TSC22D3: variants seen among roughly 807,000 people sequenced by gnomAD.
TSC22D3 encodes the protein TSC22 domain family protein 3.
TSC22D3 carries 4 observed loss-of-function variants against 11.1 expected under a neutral mutation model. That is an observed-to-expected ratio of 0.36 (90% CI 0.18 to 0.83). The LOEUF is 0.83. Among genes scored for constraint, TSC22D3 ranks in the 40% least tolerant of loss-of-function variants. TSC22D3 has a pLI of 0.48. For synonymous variants in TSC22D3, 77 were observed against 70.3 expected (o/e 1.10, Z -0.48); for missense variants, 118 against 159.4 (o/e 0.74, Z 1.40).
intron 1 of TSC22D3, among the ~76,000 whole-genome samples, chrX:107,733,415 CA>C (rs1254211411): frequency 2.7e-5 from 3 of 110,315 alleles, no homozygotes; most frequent in Non-Finnish European, 5.7e-5. Flanking sequence ...GCTCTCTTCA[CA>C]AAAAAAAATG....
At chrX:107,749,720 C>T (rs1928848918) in intron 1 of TSC22D3, among the ~76,000 whole-genome samples, 1 of 112,322 alleles carries the variant, frequency 8.9e-6, no homozygotes, top group South Asian at 3.7e-4. Context: ...CTTGAGATCA[C>T]TCCAGTGGCA....
At chrX:107,721,109 G>A (rs1824357091) in intron 1 of TSC22D3, among the ~76,000 whole-genome samples, 2 of 111,924 alleles carry the variant, frequency 1.8e-5, no homozygotes, top group Non-Finnish European at 3.8e-5. Flanking sequence ...CAGGCCCTTT[G>A]CTGGCTCTCA....
intron 1 of TSC22D3, among the ~76,000 whole-genome samples, chrX:107,718,577 G>C (rs1419858166): frequency 2.6e-5 from 3 of 113,435 alleles, no homozygotes; most frequent in Non-Finnish European, 5.6e-5. Flanking sequence ...GCCAAATGCA[G>C]TCTGAAGGCC....
intron 1 of TSC22D3, among the ~76,000 whole-genome samples, chrX:107,757,652 T>C (rs1282789135): frequency 1.8e-5 from 2 of 108,498 alleles, no homozygotes; most frequent in Non-Finnish European, 1.9e-5. Context: ...CCCCCTCCCC[T>C]TCCCTCCCTC....
At chrX:107,731,230 T>C (rs1037582801) in intron 1 of TSC22D3, among the ~76,000 whole-genome samples, 2 of 112,124 alleles carry the variant, frequency 1.8e-5, no homozygotes, top group Non-Finnish European at 3.8e-5. Context: ...CAATTGACTG[T>C]GACTCTAGGT....
chrX:107,742,874 C>T (rs1237495980), intron 1 of TSC22D3, among the ~76,000 whole-genome samples: 1 of 112,043 alleles, frequency 8.9e-6, no homozygotes, highest in Non-Finnish European at 1.9e-5. Flanking sequence ...ACATCATCCG[C>T]GAGAGATCCC....
chrX:107,735,346 T>G (rs1329846280), intron 1 of TSC22D3, among the ~76,000 whole-genome samples: 1 of 111,830 alleles, frequency 8.9e-6, no homozygotes, highest in African/African-American at 3.3e-5. Context: ...CTCAGGGCCT[T>G]GGTTTCCACA....
In TSC22D3 at chrX:107,775,484, G is replaced by A. The variant is rs192290417; in HGVS notation, c.-65C>T. 7.4e-6 allele frequency: 7 copies of A among 943,405 alleles called. No homozygotes were observed. The highest frequency in any genetic ancestry group is 6.3e-4 in the Middle Eastern group (2 of 3,152). 77.7% of individuals were successfully genotyped at this position (943,405 alleles called of 1,213,427 possible). A position where few individuals can be genotyped will look rare whatever the true frequency, so the allele number is the denominator to read the frequency against. The stretch of plus-strand genomic sequence containing the variant: ...GGCGGCTGGCAGGTGCGCGCCCACC[G>A]AGCTGGCCTGAGGGGACTCCAGGGT... On this transcript the variant is annotated 5_prime_UTR_variant, in exon 1 of 3. Coordinates refer to ENST00000372383, the MANE Select transcript of TSC22D3 (RefSeq NM_198057.3).
rs559987710 is a variant in TSC22D3 at position 107,725,907 on chromosome X, G to A, written c.321-9957C>T. Among the ~76,000 whole-genome samples the A allele has an allele frequency of 5.4e-5, 6 of 111,299 alleles. No individual in the cohort carries two copies. In the East Asian group the frequency reaches 1.1e-3, roughly 21 times the overall value. On this transcript the variant is annotated intron_variant, in intron 1 of 2. Transcript: ENST00000372383. ...AACAGCACAGTTTGGTCAATGAACC[G>A]GCCCAACCTCCCTTCTACAGGAACC...
chrX:107,721,224 T>C (rs766237616), intron 1 of TSC22D3, among the ~76,000 whole-genome samples: 12 of 112,092 alleles, frequency 1.1e-4, no homozygotes, highest in Admixed American at 4.7e-4. Flanking sequence ...ACAGGGCCAA[T>C]TCCCTTCATT....
intron 1 of TSC22D3, chrX:107,716,781 C>T (rs1927068294): frequency 8.3e-7 from 1 of 1,209,940 alleles, no homozygotes; most frequent in Non-Finnish European, 1.1e-6. Flanking sequence ...ACCGCCACCT[C>T]CATGGGGGTC....
intron 1 of TSC22D3, among the ~76,000 whole-genome samples, chrX:107,754,867 C>G (rs1929102926): frequency 8.9e-6 from 1 of 111,991 alleles, no homozygotes; most frequent in African/African-American, 3.2e-5. Context: ...TGGCGATAAC[C>G]TTGAGCAGTA....
intron 1 of TSC22D3, among the ~76,000 whole-genome samples, chrX:107,730,931 C>T (rs1216562964): frequency 1.8e-5 from 2 of 111,947 alleles, no homozygotes; most frequent in African/African-American, 6.5e-5. Flanking sequence ...CCTTCCTTAG[C>T]AATGCCCGCT....
chrX:107,754,396 C>T (rs895630944), intron 1 of TSC22D3, among the ~76,000 whole-genome samples: 1 of 111,884 alleles, frequency 8.9e-6, no homozygotes, highest in Admixed American at 9.5e-5. Context: ...TCTTTATGCA[C>T]TACTTGGGCT....
intron 1 of TSC22D3, among the ~76,000 whole-genome samples, chrX:107,766,887 C>A (rs1929687012): frequency 1.1e-5 from 1 of 86,996 alleles, no homozygotes; most frequent in Admixed American, 1.1e-4. Flanking sequence ...GCCTCAGTAA[C>A]CTGGCTGTTA....
In TSC22D3 at chrX:107,713,650, C is replaced by T. The variant is rs1476348600; in HGVS notation, c.*869G>A. 8.9e-6 allele frequency: 1 copy of T among 112,046 alleles called. No homozygotes were observed. Among genetic ancestry groups the T allele is most frequent in the Non-Finnish European group, 1.9e-5 (1 of 53,162 alleles). 9.2% of individuals were successfully genotyped at this position (112,046 alleles called of 1,213,427 possible). On this transcript the variant is annotated 3_prime_UTR_variant, in exon 3 of 3. Transcript: ENST00000372383. The stretch of plus-strand genomic sequence containing the variant: ...GTTGCAGCAGCAAGGCATCCGTGGC[C>T]GCATTCAGAGGCTGGCCCCCCTCCT...
intron 1 of TSC22D3, among the ~76,000 whole-genome samples, chrX:107,735,326 T>C (rs1928081594): frequency 8.9e-6 from 1 of 112,006 alleles, no homozygotes; most frequent in Non-Finnish European, 1.9e-5. Context: ...CAAGGCAGGT[T>C]GAATCCCCTC....
chrX:107,725,283 C>T (rs975602046), intron 1 of TSC22D3, among the ~76,000 whole-genome samples: 4 of 112,636 alleles, frequency 3.6e-5, no homozygotes, highest in Middle Eastern at 4.6e-3. Context: ...TGTCAGCAGA[C>T]AATTGGACAC....
In TSC22D3 at chrX:107,739,359, G is replaced by A. The variant is rs181739452; in HGVS notation, c.321-23409C>T. The stretch of plus-strand genomic sequence containing the variant: ...GTTAACTGGCACTTCAATGCTGCAG[G>A]CTCCACACGCACACACGCACACACA... On this transcript the variant is annotated intron_variant, in intron 1 of 2. Transcript: ENST00000372383. Among the ~76,000 whole-genome samples, 5 of 112,811 alleles carry A rather than the reference G, an allele frequency of 4.4e-5. No individual in the cohort carries two copies. The East Asian group carries it at 1.4e-3, about 31-fold the overall frequency.
Sources: allele counts gnomAD v4.1 joint callset (sites outside exome capture counted in the v4.1 genomes callset), GRCh38; gene constraint gnomAD v4.1.1; transcripts MANE v1.5; gene names NCBI Gene and HGNC (gene_info 2026-07-23, HGNC 2026-07-21).